The following PHB1 variants were observed in gnomAD, a reference collection of about 807,000 sequenced individuals.
The protein encoded by PHB1 is epididymis luminal protein 215.
chr17:49,406,077 C>A, the PHB1 span, among the ~76,000 whole-genome samples: 1 of 152,200 alleles, frequency 6.6e-6, no homozygotes, highest in Admixed American at 6.5e-5. Flanking sequence ...TACCTACTAT[C>A]ACCAGGCACT....
At chr17:49,406,706 G>C in the PHB1 span, 4 of 1,265,570 alleles carry the variant, frequency 3.2e-6, no homozygotes, top group Admixed American at 3.4e-5. Flanking sequence ...TGGGGAAGCT[G>C]AGTGCCGGAG....
chr17:49,405,103 G>C, the PHB1 span: 1 of 1,613,236 alleles, frequency 6.2e-7, no homozygotes, highest in Non-Finnish European at 8.5e-7. Context: ...TGCGCAGCTC[G>C]ATCAGGCCAT....
the PHB1 span, among the ~76,000 whole-genome samples, chr17:49,413,512 C>CT: frequency 2.1e-3 from 262 of 124,774 alleles, 1 homozygote; most frequent in South Asian, 7.5e-3. Context: ...CTTTTCTTTC[C>CT]TTTTTTTTTT....
At chr17:49,406,861 G>A in the PHB1 span, 1 of 1,603,280 alleles carries the variant, frequency 6.2e-7, no homozygotes, top group East Asian at 2.2e-5. Context: ...GTGTCTAAGG[G>A]GAGAGAGTGA....
chr17:49,409,527 CA>C, the PHB1 span: 1 of 1,201,908 alleles, frequency 8.3e-7, no homozygotes, highest in Non-Finnish European at 1.2e-6. Flanking sequence ...TGTAGGAAAA[CA>C]AGTGTTTTTT....
chr17:49,407,994 G>A, the PHB1 span, among the ~76,000 whole-genome samples: 1 of 152,212 alleles, frequency 6.6e-6, no homozygotes, highest in Non-Finnish European at 1.5e-5. Context: ...CCTTAGATAG[G>A]GTTTCTTGTG....
chr17:49,414,844 C>T, the PHB1 span: 2 of 152,562 alleles, frequency 1.3e-5, no homozygotes, highest in Non-Finnish European at 2.9e-5. Flanking sequence ...CCTGCTTCCA[C>T]TCTGACCTCC....
the PHB1 span, among the ~76,000 whole-genome samples, chr17:49,406,031 G>A: frequency 6.6e-6 from 1 of 152,124 alleles, no homozygotes; most frequent in African/African-American, 2.4e-5. Flanking sequence ...AAATGACTGG[G>A]CCCTGCGTCT....
the PHB1 span, chr17:49,414,683 A>T: frequency 6.6e-6 from 1 of 151,790 alleles, no homozygotes; most frequent in Admixed American, 6.6e-5. Context: ...ACTCTGAGCA[A>T]CCCCTGGCTC....
the PHB1 span, among the ~76,000 whole-genome samples, chr17:49,405,662 C>T: frequency 6.6e-6 from 1 of 152,106 alleles, no homozygotes; most frequent in African/African-American, 2.4e-5. Flanking sequence ...GTAATCCTGG[C>T]ACTTTGGGAG....
chr17:49,413,510 TCC>T, the PHB1 span, among the ~76,000 whole-genome samples: 1 of 146,772 alleles, frequency 6.8e-6, no homozygotes. Flanking sequence ...TTCTTTTCTT[TCC>T]TTTTTTTTTT....
At chr17:49,411,162 A>C in the PHB1 span, among the ~76,000 whole-genome samples, 10 of 151,924 alleles carry the variant, frequency 6.6e-5, no homozygotes, top group Admixed American at 6.6e-4. Flanking sequence ...AACAGTACGG[A>C]AAGAAATTCC....
chr17:49,408,896 C>T, the PHB1 span: 3 of 640,702 alleles, frequency 4.7e-6, no homozygotes, highest in South Asian at 4.2e-5. Flanking sequence ...CGGAGACTGC[C>T]TCACCTCAGC....
chr17:49,405,105 T>C, the PHB1 span: 2 of 1,613,488 alleles, frequency 1.2e-6, no homozygotes, highest in Non-Finnish European at 1.7e-6. Flanking sequence ...CGCAGCTCGA[T>C]CAGGCCATCC....
At chr17:49,411,178 G>T in the PHB1 span, among the ~76,000 whole-genome samples, 1 of 149,362 alleles carries the variant, frequency 6.7e-6, no homozygotes, top group African/African-American at 2.5e-5. Context: ...ATTCCAAAGA[G>T]ATGGGAAGAT....
chr17:49,406,258 GACA>G, the PHB1 span, among the ~76,000 whole-genome samples: 3 of 152,176 alleles, frequency 2.0e-5, no homozygotes, highest in Non-Finnish European at 2.9e-5. Context: ...GGAAGAAGGG[GACA>G]ACAATAAATG....
chr17:49,409,069 A>C, the PHB1 span: 1 of 1,610,556 alleles, frequency 6.2e-7, no homozygotes, highest in South Asian at 1.1e-5. Flanking sequence ...GGATGAGCCC[A>C]AAGGTGGCGG....
At chr17:49,410,360 G>A in the PHB1 span, among the ~76,000 whole-genome samples, 4 of 152,144 alleles carry the variant, frequency 2.6e-5, no homozygotes, top group East Asian at 1.9e-4. Context: ...AGATCCCAGA[G>A]GGCAAGGTGC....
the PHB1 span, among the ~76,000 whole-genome samples, chr17:49,407,995 G>T: frequency 6.6e-6 from 1 of 152,244 alleles, no homozygotes; most frequent in Admixed American, 6.5e-5. Flanking sequence ...CTTAGATAGG[G>T]TTTCTTGTGG....
Sources: gnomAD v4.1 joint callset for allele counts (sites outside exome capture counted in the v4.1 genomes callset) on GRCh38, gnomAD v4.1.1 for gene constraint, MANE v1.5 for transcripts, NCBI Gene and HGNC (gene_info 2026-07-23, HGNC 2026-07-21) for gene names.